The following FER variants were observed in gnomAD, a reference collection of about 807,000 sequenced individuals.
FER encodes the protein tyrosine-protein kinase Fer.
In FER, 63 loss-of-function variants were observed where a neutral mutation model predicts 111.0. The observed-to-expected ratio is 0.57, with a 90% CI of 0.46 to 0.70. The LOEUF (loss-of-function observed/expected upper bound fraction) is 0.70. Ranked by LOEUF, FER falls within the 30% of genes least tolerant of loss-of-function variation. The pLI, the probability that FER is intolerant of heterozygous loss-of-function variation, is 0.00. For synonymous variants in FER, 327 were observed against 313.9 expected, an observed-to-expected ratio of 1.04 and a Z score of -0.44; for missense variants, 914 against 954.0, an observed-to-expected ratio of 0.96 and a Z score of 0.55.
At chr5:108,922,426 C>T (rs1329258575) in intron 10 of FER, among the ~76,000 whole-genome samples, 1 of 152,060 alleles carries the variant, frequency 6.6e-6, no homozygotes, top group Non-Finnish European at 1.5e-5. Flanking sequence ...AGATGATGAA[C>T]AAAGAAACAC....
At chr5:109,010,455 C>A (rs529583200) in intron 13 of FER, among the ~76,000 whole-genome samples, 1 of 152,104 alleles carries the variant, frequency 6.6e-6, no homozygotes, top group Non-Finnish European at 1.5e-5. Context: ...CCGTGCCCAG[C>A]CTTTTTTATC....
intron 16 of FER, among the ~76,000 whole-genome samples, chr5:109,056,765 G>T (rs1031490464): frequency 1.3e-5 from 2 of 152,098 alleles, no homozygotes; most frequent in Non-Finnish European, 1.5e-5. Flanking sequence ...TGATGGATAT[G>T]TTAATTTGCT....
chr5:109,036,978 A>G (rs764055646), intron 13 of FER, among the ~76,000 whole-genome samples: 107 of 152,174 alleles, frequency 7.0e-4, no homozygotes, highest in Non-Finnish European at 1.5e-3. Flanking sequence ...TGGCCCATTT[A>G]TATGTGGAAA....
chr5:108,882,967 C>T (rs1487794561), intron 8 of FER, among the ~76,000 whole-genome samples: 1 of 151,924 alleles, frequency 6.6e-6, no homozygotes, highest in Non-Finnish European at 1.5e-5. Flanking sequence ...GCCTCACTTT[C>T]ATTTCTTTAA....
At chr5:109,125,059 A>C (rs1751535390) in intron 17 of FER, among the ~76,000 whole-genome samples, 1 of 151,548 alleles carries the variant, frequency 6.6e-6, no homozygotes, top group Non-Finnish European at 1.5e-5. Context: ...AAAAAAAAAA[A>C]AAAAAGAAGA....
intron 3 of FER, among the ~76,000 whole-genome samples, chr5:108,821,853 G>C (rs1319340778): frequency 6.6e-6 from 1 of 151,854 alleles, no homozygotes; most frequent in Admixed American, 6.6e-5. Flanking sequence ...TTCTTTTCAT[G>C]AGGAGAACAC....
At position 109,085,673 on chromosome 5, in the gene FER, G is replaced by A. The variant is rs950719614; in HGVS notation, c.1925-14723G>A. ...TCAATATTTTACCATTAAGTATGGT[G>A]ATAGATGTAGGTTCTCCATAGGTGT... On this transcript the variant is annotated intron_variant, in intron 16 of 19. Transcript: ENST00000281092. 5.9e-5 allele frequency among the ~76,000 whole-genome samples: 9 copies of A among 151,698 alleles called. 1 individual carries two copies. Among genetic ancestry groups the A allele is most frequent in the African/African-American group, 7.2e-5 (3 of 41,390 alleles).
At chr5:109,127,627 G>T (rs1044013246) in intron 17 of FER, among the ~76,000 whole-genome samples, 3 of 151,872 alleles carry the variant, frequency 2.0e-5, no homozygotes, top group Non-Finnish European at 4.4e-5. Flanking sequence ...GGATGATCTC[G>T]ATCTCCTGAG....
At position 108,872,123 on chromosome 5, in the gene FER, GT is replaced by G. The variant is rs778933526; in HGVS notation, c.837del (p.Phe279LeufsTer22). The G allele has an allele frequency of 6.2e-7, 1 of 1,611,150 alleles. No homozygotes were observed. Among genetic ancestry groups the G allele is most frequent in the Admixed American group, 1.7e-5 (1 of 59,524 alleles). Reference protein sequence around the residue: ...TTAAKEQEIEFDTSLLEENEN... With the variant: ...TTAAKEQEIEXDTSLLEENEN... ...CGGCTGCTAAAGAACAAGAAATAGA[GT>G]TTGATACTTCCTTACTGGAAGAAAA... is the stretch of plus-strand genomic sequence containing the variant. On this transcript the variant is annotated frameshift_variant, in exon 8 of 20. Transcript: ENST00000281092. LOFTEE classifies it high-confidence loss of function.
At chr5:109,054,353 A>G (rs928966605) in intron 16 of FER, among the ~76,000 whole-genome samples, 1 of 152,110 alleles carries the variant, frequency 6.6e-6, no homozygotes, top group African/African-American at 2.4e-5. Context: ...TTGTGATTTT[A>G]ATTTGCCCTT....
Position 108,867,814 on chromosome 5 carries a change from A to G in FER, c.529A>G (p.Lys177Glu), listed in dbSNP as rs759774797. 1 of 1,613,200 alleles carries G rather than the reference A, an allele frequency of 6.2e-7. No individual in the cohort carries two copies. The highest frequency in any genetic ancestry group is 1.1e-5 in the South Asian group (1 of 91,018). ...GGAACGATACGACAAAGCCACAATGAAACTTCATATGTTGCACAATCAGTA... is the reference window on the plus strand; with the variant it reads ...GGAACGATACGACAAAGCCACAATGGAACTTCATATGTTGCACAATCAGTA... ...AKERYDKATM[K>E]LHMLHNQYVL... The change falls in exon 6 of 20, where the codon AAA becomes GAA. Residue 177 changes from lysine to glutamate, a missense_variant. Physicochemically the swap from Lys to Glu is moderately conservative, Grantham distance 56 (BLOSUM62 1). Transcript: ENST00000281092.
At chr5:109,144,484 T>G (rs1386606699) in intron 17 of FER, among the ~76,000 whole-genome samples, 2 of 152,166 alleles carry the variant, frequency 1.3e-5, no homozygotes, top group Non-Finnish European at 2.9e-5. Flanking sequence ...TATCTACATT[T>G]ACCTAGATGG....
chr5:109,139,290 C>T (rs949998819), intron 17 of FER, among the ~76,000 whole-genome samples: 1 of 151,752 alleles, frequency 6.6e-6, no homozygotes, highest in Non-Finnish European at 1.5e-5. Flanking sequence ...AGAAGATTCC[C>T]ACCCCCACCC....
intron 13 of FER, among the ~76,000 whole-genome samples, chr5:109,016,179 C>G (rs1326410833): frequency 1.3e-5 from 2 of 152,012 alleles, no homozygotes; most frequent in African/African-American, 4.8e-5. Context: ...CTGTCAGTAT[C>G]TGTTTCTACA....
chr5:109,022,180 A>G (rs937315344), intron 13 of FER, among the ~76,000 whole-genome samples: 3 of 152,016 alleles, frequency 2.0e-5, no homozygotes, highest in African/African-American at 7.2e-5. Flanking sequence ...TTCCTGTTCC[A>G]GCAACCCTGA....
chr5:109,121,547 A>G (rs1369284622), intron 17 of FER, among the ~76,000 whole-genome samples: 3 of 151,980 alleles, frequency 2.0e-5, no homozygotes, highest in East Asian at 1.9e-4. Flanking sequence ...ATTGACCTGT[A>G]GTTTTCTTTT....
chr5:108,998,301 G>A (rs1764275134), intron 13 of FER, among the ~76,000 whole-genome samples: 1 of 152,072 alleles, frequency 6.6e-6, no homozygotes, highest in African/African-American at 2.4e-5. Flanking sequence ...GAATCTCCTG[G>A]TCTGCGGATT....
Position 108,831,493 on chromosome 5 carries a change from C to A in FER, c.208-1277C>A, listed in dbSNP as rs532085593. Among the ~76,000 whole-genome samples the A allele has an allele frequency of 5.3e-5, 8 of 152,180 alleles. No individual in the cohort carries two copies. The South Asian group carries it at 1.7e-3, about 32-fold the overall frequency. Reference sequence around the variant, plus strand: ...TTAAATTGCTTTGTGGTGTTAAGAGCAAATTAGTGATTATATTTTCATATT... The same window carrying A: ...TTAAATTGCTTTGTGGTGTTAAGAGAAAATTAGTGATTATATTTTCATATT... On this transcript the variant is annotated intron_variant, in intron 3 of 19. Transcript: ENST00000281092.
intron 10 of FER, among the ~76,000 whole-genome samples, chr5:108,918,490 CTTT>C (rs977392132): frequency 7.4e-6 from 1 of 135,858 alleles, no homozygotes; most frequent in African/African-American, 2.7e-5. Flanking sequence ...TGTGTTTTTT[CTTT>C]TTTTTTTTTT....
Sources: allele counts gnomAD v4.1 joint callset (sites outside exome capture counted in the v4.1 genomes callset), GRCh38; gene constraint gnomAD v4.1.1; transcripts MANE v1.5; gene names NCBI Gene and HGNC (gene_info 2026-07-23, HGNC 2026-07-21).